The following ZNF420 variants were observed in gnomAD, a reference collection of about 807,000 sequenced individuals.
The protein encoded by ZNF420 is ATM and p53-associated KZNF protein.
In ZNF420, 31 loss-of-function variants were observed where a neutral mutation model predicts 44.7. That is an observed-to-expected ratio of 0.69 (90% CI 0.52 to 0.94). ZNF420 has a LOEUF of 0.94. Ranked by LOEUF, ZNF420 falls within the 40% of genes least tolerant of loss-of-function variation. ZNF420 has a pLI of 0.00. For synonymous variants in ZNF420, 245 were observed against 267.4 expected, an observed-to-expected ratio of 0.92 and a Z score of 0.82; for missense variants, 681 against 827.9, an observed-to-expected ratio of 0.82 and a Z score of 2.18.
chr19:37,009,046 A>C (rs111273663), intron 1 of ZNF420, among the ~76,000 whole-genome samples: 1 of 152,122 alleles, frequency 6.6e-6, no homozygotes, highest in Non-Finnish European at 1.5e-5. Flanking sequence ...GTTTCCCTAC[A>C]ATGAATGGTA....
At chr19:37,113,450 C>G (rs1330204320) in intron 4 of ZNF420, among the ~76,000 whole-genome samples, 1 of 152,166 alleles carries the variant, frequency 6.6e-6, no homozygotes, top group African/African-American at 2.4e-5. Context: ...GAGATTACAT[C>G]TGATCCCACT....
chr19:37,103,356 A>G (rs1353070795), intron 4 of ZNF420, among the ~76,000 whole-genome samples: 1 of 152,034 alleles, frequency 6.6e-6, no homozygotes, highest in Non-Finnish European at 1.5e-5. Context: ...CTATCTTCCT[A>G]TATTACTAAT....
At chr19:37,021,448 G>A (rs900570831) in intron 1 of ZNF420, among the ~76,000 whole-genome samples, 25 of 151,954 alleles carry the variant, frequency 1.6e-4, no homozygotes, top group Admixed American at 5.9e-4. Flanking sequence ...TGTATTTTTA[G>A]TAGAGATGGG....
intron 1 of ZNF420, among the ~76,000 whole-genome samples, chr19:37,039,174 G>A (rs986930456): frequency 6.6e-6 from 1 of 152,158 alleles, no homozygotes; most frequent in Non-Finnish European, 1.5e-5. Flanking sequence ...TATTAATGCT[G>A]CTACTTTTAC....
intron 1 of ZNF420, among the ~76,000 whole-genome samples, chr19:37,018,850 A>C (rs964150780): frequency 6.6e-6 from 1 of 152,150 alleles, no homozygotes; most frequent in Non-Finnish European, 1.5e-5. Context: ...GATTACAGGC[A>C]CAAGTCACTG....
intron 4 of ZNF420, among the ~76,000 whole-genome samples, chr19:37,126,301 A>G (rs1971344179): frequency 6.6e-6 from 1 of 152,182 alleles, no homozygotes; most frequent in South Asian, 2.1e-4. Context: ...GAGCAGTCCA[A>G]AGAAATGGAA....
At chr19:37,107,490 G>C (rs1970157905) in intron 4 of ZNF420, 1 of 152,416 alleles carries the variant, frequency 6.6e-6, no homozygotes, top group African/African-American at 2.4e-5. Context: ...TAGGGTTACA[G>C]ATTAACAGCA....
At chr19:37,037,469 C>G (rs1441647217) in intron 1 of ZNF420, among the ~76,000 whole-genome samples, 2 of 152,198 alleles carry the variant, frequency 1.3e-5, no homozygotes, top group African/African-American at 2.4e-5. Context: ...CCAGTAAACT[C>G]AAGCTACACT....
At chr19:37,122,499 A>G (rs1280368549) in intron 4 of ZNF420, among the ~76,000 whole-genome samples, 2 of 152,046 alleles carry the variant, frequency 1.3e-5, no homozygotes, top group Non-Finnish European at 2.9e-5. Context: ...GCATTAGGAG[A>G]TATACCTAAT....
At position 37,128,706 on chromosome 19, in the gene ZNF420, C is replaced by T. The variant is rs1971500139; in HGVS notation, c.1715C>T (p.Ser572Leu). The change falls in exon 5 of 5, where the codon TCA (serine) becomes TTA (leucine). Residue 572 changes from serine to leucine, a missense_variant. Physicochemically the swap from Ser to Leu is moderately radical, Grantham distance 145. Around this residue, in one of 3 missense-constraint regions of ZNF420, gnomAD observed 280 missense variants for 338.6 expected, o/e 0.83. Transcript: ENST00000337995. ...KECGKAFIRG[S>L]QLTQHQRIHT... ...TGTGGGAAAGCCTTTATTCGTGGTT[C>T]ACAGTTGACTCAACATCAGCGAATT... is the stretch of plus-strand genomic sequence containing the variant. 6.2e-7 allele frequency: 1 copy of T among 1,613,878 alleles called. No individual in the cohort carries two copies. The highest frequency in any genetic ancestry group is 1.1e-5 in the South Asian group (1 of 91,070).
chr19:37,060,059 G>A (rs1256475550), intron 1 of ZNF420, among the ~76,000 whole-genome samples: 1 of 152,054 alleles, frequency 6.6e-6, no homozygotes, highest in Admixed American at 6.5e-5. Context: ...TCGTTTTCGC[G>A]GCGGTTGCAC....
intron 1 of ZNF420, among the ~76,000 whole-genome samples, chr19:37,038,347 G>A (rs1967393771): frequency 6.6e-6 from 1 of 152,204 alleles, no homozygotes; most frequent in Non-Finnish European, 1.5e-5. Context: ...GGTTGCTGAA[G>A]GCTGGAGTGG....
chr19:37,016,707 G>A (rs929253246), intron 1 of ZNF420, among the ~76,000 whole-genome samples: 3 of 152,198 alleles, frequency 2.0e-5, no homozygotes, highest in Admixed American at 1.3e-4. Context: ...CTGAGGAGAA[G>A]CAGGAGCTTC....
chr19:37,094,897 C>T (rs1026258244), intron 4 of ZNF420, among the ~76,000 whole-genome samples: 20 of 152,226 alleles, frequency 1.3e-4, no homozygotes, highest in African/African-American at 4.6e-4. Flanking sequence ...CTTTGGGAGG[C>T]TGAGGCGGGC....
At chr19:37,056,558 G>A (rs1391607913) in intron 1 of ZNF420, among the ~76,000 whole-genome samples, 2 of 152,202 alleles carry the variant, frequency 1.3e-5, no homozygotes, top group East Asian at 3.9e-4. Flanking sequence ...AAGCAGGACA[G>A]GCCACTGGTC....
intron 1 of ZNF420, among the ~76,000 whole-genome samples, chr19:37,061,143 C>A (rs919942130): frequency 7.2e-5 from 11 of 152,146 alleles, no homozygotes; most frequent in African/African-American, 2.7e-4. Flanking sequence ...GCCATCGCCC[C>A]GTATGCCCTC....
intron 3 of ZNF420, among the ~76,000 whole-genome samples, 181 bp from the exon 4 acceptor site, chr19:37,090,814 G>A (rs1161322394): frequency 6.6e-6 from 1 of 151,452 alleles, no homozygotes; most frequent in Admixed American, 6.6e-5. Context: ...CAGCTACTCA[G>A]GAGGCTGAGG....
chr19:37,105,753 C>G (rs1970043820), intron 4 of ZNF420, among the ~76,000 whole-genome samples: 1 of 152,174 alleles, frequency 6.6e-6, no homozygotes, highest in Non-Finnish European at 1.5e-5. Context: ...TCCTTCACAT[C>G]CCTTGTAAGT....
Position 37,094,011 on chromosome 19 carries a change from C to T in ZNF420, c.136+2890C>T, listed in dbSNP as rs547813345. Reference sequence around the variant, plus strand: ...GAAATGGTTGCCAAACTTGTGTGTACTTTAGAAATAGCTACGGTCTTTTAA... The same window carrying T: ...GAAATGGTTGCCAAACTTGTGTGTATTTTAGAAATAGCTACGGTCTTTTAA... On this transcript the variant is annotated intron_variant, in intron 4 of 4. Coordinates refer to ENST00000337995, the MANE Select transcript of ZNF420 (RefSeq NM_144689.5). Among the ~76,000 whole-genome samples the T allele has an allele frequency of 4.6e-5, 7 of 152,274 alleles. No homozygotes were observed. The East Asian group carries it at 1.3e-3, about 29-fold the overall frequency.
Sources: gnomAD v4.1 joint callset for allele counts (sites outside exome capture counted in the v4.1 genomes callset) on GRCh38, gnomAD v4.1.1 for gene constraint, gnomAD v4.1.1 regional missense constraint, MANE v1.5 for transcripts, NCBI Gene and HGNC (gene_info 2026-07-23, HGNC 2026-07-21) for gene names.